Variants in DIAPH2 observed in about 807,000 individuals in gnomAD.
DIAPH2 encodes the protein protein diaphanous homolog 2.
A neutral mutation model predicts 92.7 loss-of-function variants in DIAPH2; 35 were observed. The ratio of observed to expected loss-of-function variants is 0.38; its 90% confidence interval spans 0.29 to 0.50. The LOEUF is 0.50. DIAPH2 is among the 20% of genes least tolerant of loss of function. DIAPH2 has a pLI of 0.94. For synonymous variants in DIAPH2, 301 were observed against 280.4 expected, an observed-to-expected ratio of 1.07 and a Z score of -0.73; for missense variants, 701 against 819.5, an observed-to-expected ratio of 0.86 and a Z score of 1.77.
At chrX:97,575,339 C>T (rs189988112) in intron 26 of DIAPH2, among the ~76,000 whole-genome samples, 18 of 112,434 alleles carry the variant, frequency 1.6e-4, no homozygotes, top group African/African-American at 5.2e-4. Context: ...AGAAGCATCA[C>T]GTTGATCTCT....
At chrX:96,903,571 AT>A (rs1466530230) in intron 5 of DIAPH2, among the ~76,000 whole-genome samples, 1 of 112,345 alleles carries the variant, frequency 8.9e-6, no homozygotes, top group Non-Finnish European at 1.9e-5. Context: ...TATTTCAAAC[AT>A]CTGAAGAAGA....
chrX:96,825,069 C>T (rs2064804696), intron 4 of DIAPH2, among the ~76,000 whole-genome samples: 1 of 108,172 alleles, frequency 9.2e-6, no homozygotes, highest in Admixed American at 9.9e-5. Context: ...CCTCAGCCTC[C>T]CGAGTAGCTG....
At chrX:97,185,369 G>GTATATATATATGTGTGTA (rs2067578829) in intron 22 of DIAPH2, among the ~76,000 whole-genome samples, 1 of 30,336 alleles carries the variant, frequency 3.3e-5, no homozygotes, top group Non-Finnish European at 4.9e-5. Context: ...ATATATATAT[G>GTATATATATATGTGTGTA]TATATATATA....
chrX:96,836,883 A>G (rs2064897969), intron 4 of DIAPH2, among the ~76,000 whole-genome samples: 1 of 98,416 alleles, frequency 1.0e-5, no homozygotes, highest in African/African-American at 3.8e-5. Flanking sequence ...GCCCGCTACC[A>G]CGCCCGGCTA....
At chrX:97,035,740 G>A (rs1440021918) in intron 17 of DIAPH2, among the ~76,000 whole-genome samples, 1 of 111,396 alleles carries the variant, frequency 9.0e-6, no homozygotes, top group Non-Finnish European at 1.9e-5. Context: ...TGGACATGGT[G>A]CCTCATGCCT....
At chrX:96,975,131 C>T (rs765646835) in intron 17 of DIAPH2, among the ~76,000 whole-genome samples, 1 of 111,598 alleles carries the variant, frequency 9.0e-6, no homozygotes, top group East Asian at 2.8e-4. Context: ...TTTTGCAGTG[C>T]TTGAAATATT....
intron 25 of DIAPH2, among the ~76,000 whole-genome samples, chrX:97,422,544 A>T (rs2070020125): frequency 8.9e-6 from 1 of 112,122 alleles, no homozygotes; most frequent in African/African-American, 3.2e-5. Flanking sequence ...GTTCATAGCA[A>T]CTTTTTTCAA....
chrX:96,724,625 G>C (rs758973501), intron 1 of DIAPH2, among the ~76,000 whole-genome samples: 2 of 111,696 alleles, frequency 1.8e-5, no homozygotes, highest in South Asian at 3.7e-4. Flanking sequence ...CAAAGTCAAA[G>C]AGTTGTAGGC....
intron 2 of DIAPH2, among the ~76,000 whole-genome samples, chrX:96,737,149 T>C (rs2064092951): frequency 8.9e-6 from 1 of 111,896 alleles, no homozygotes; most frequent in African/African-American, 3.2e-5. Context: ...AAAATCACCT[T>C]CTCTGTGAAA....
At chrX:96,715,145 C>T (rs554060678) in intron 1 of DIAPH2, among the ~76,000 whole-genome samples, 105 of 111,938 alleles carry the variant, frequency 9.4e-4, no homozygotes, top group Non-Finnish European at 1.7e-3. Flanking sequence ...TAAAAAATTA[C>T]TACACTAAAA....
chrX:97,371,132 A>G (rs751670460), intron 24 of DIAPH2, among the ~76,000 whole-genome samples: 1 of 111,954 alleles, frequency 8.9e-6, no homozygotes, highest in African/African-American at 3.2e-5. Context: ...TAATTTAAAA[A>G]TAATATCTAA....
At chrX:97,161,103 G>A (rs1341062309) in intron 22 of DIAPH2, among the ~76,000 whole-genome samples, 9 of 99,421 alleles carry the variant, frequency 9.1e-5, no homozygotes, top group Admixed American at 3.4e-4. Context: ...GGATGCAGCC[G>A]GGGACTCTCT....
At chrX:97,509,643 T>A (rs1195117589) in intron 26 of DIAPH2, among the ~76,000 whole-genome samples, 24 of 106,691 alleles carry the variant, frequency 2.2e-4, no homozygotes, top group Non-Finnish European at 5.8e-5. Context: ...TATCTCCTAA[T>A]GCTATCCCTC....
At chrX:97,557,022 C>T (rs776439140) in intron 26 of DIAPH2, among the ~76,000 whole-genome samples, 2 of 111,518 alleles carry the variant, frequency 1.8e-5, no homozygotes, top group Non-Finnish European at 3.8e-5. Flanking sequence ...TATTGGAGTT[C>T]ATCGATTAAT....
chrX:97,028,350 A>G (rs1424967999), intron 17 of DIAPH2, among the ~76,000 whole-genome samples: 1 of 110,523 alleles, frequency 9.0e-6, no homozygotes, highest in Non-Finnish European at 1.9e-5. Flanking sequence ...TCTCTCAGCT[A>G]TTATCATTCT....
Position 96,789,281 on chromosome X carries a change from G to C in DIAPH2, c.447+31023G>C, listed in dbSNP as rs145250793. Among the ~76,000 whole-genome samples the C allele has an allele frequency of 1.2e-4, 13 of 111,840 alleles. No homozygotes were observed. The East Asian group carries it at 3.7e-3, about 32-fold the overall frequency. On this transcript the variant is annotated intron_variant, in intron 4 of 26. Coordinates refer to ENST00000324765, the MANE Select transcript of DIAPH2 (RefSeq NM_006729.5). Reference sequence around the variant, plus strand: ...GAGTCAGTGCCCAAGGTTTTTATTGGGGGCCGGTTATGTAGACACACTCTG... The same window carrying C: ...GAGTCAGTGCCCAAGGTTTTTATTGCGGGCCGGTTATGTAGACACACTCTG...
intron 26 of DIAPH2, among the ~76,000 whole-genome samples, chrX:97,451,947 T>C (rs1289377558): frequency 1.8e-5 from 2 of 111,893 alleles, no homozygotes; most frequent in East Asian, 5.6e-4. Flanking sequence ...TGTTTTATTT[T>C]CCTAGGTAAG....
At chrX:96,773,363 C>T (rs1260562528) in intron 4 of DIAPH2, among the ~76,000 whole-genome samples, 1 of 107,935 alleles carries the variant, frequency 9.3e-6, no homozygotes, top group East Asian at 2.9e-4. Context: ...TAGTGTGAGC[C>T]CTAATCCAGT....
Position 96,751,651 on chromosome X carries a change from TG to T in DIAPH2, c.343-6502del, listed in dbSNP as rs1344789177. ...AATGGTCAACTAGACTTCAGTGTTT[TG>T]TTTTTTTTTTTTTTTTTTTGAGACG... On this transcript the variant is annotated intron_variant, in intron 3 of 26. Coordinates refer to ENST00000324765, the MANE Select transcript of DIAPH2 (RefSeq NM_006729.5). Among the ~76,000 whole-genome samples the T allele has an allele frequency of 4.7e-3, 407 of 87,211 alleles. 25 individuals carry two copies. Among genetic ancestry groups the T allele is most frequent in the African/African-American group, 0.017 (374 of 21,383 alleles). The allele number at this position is 87,211 out of a possible 115,157, so 75.7% of individuals were successfully genotyped here.
Sources: allele counts gnomAD v4.1 joint callset (sites outside exome capture counted in the v4.1 genomes callset), GRCh38; gene constraint gnomAD v4.1.1; transcripts MANE v1.5; gene names NCBI Gene and HGNC (gene_info 2026-07-23, HGNC 2026-07-21).